The following NWD2 variants were observed in gnomAD, a reference collection of about 807,000 sequenced individuals.
NWD2 encodes NACHT and WD repeat domain containing 2.
NWD2 carries 37 observed loss-of-function variants against 132.7 expected under a neutral mutation model. The observed-to-expected ratio is 0.28, with a 90% CI of 0.21 to 0.37. The LOEUF is 0.37. Ranked by LOEUF, NWD2 falls within the 10% of genes least tolerant of loss-of-function variation. The pLI, the probability that NWD2 is intolerant of heterozygous loss-of-function variation, is 1.00. For synonymous variants in NWD2, 705 were observed against 803.0 expected (o/e 0.88, Z 2.06); for missense variants, 1,592 against 2,122.4 (o/e 0.75, Z 4.91).
At chr4:37,328,170 C>A (rs185159991) in intron 2 of NWD2, among the ~76,000 whole-genome samples, 48 of 152,192 alleles carry the variant, frequency 3.2e-4, no homozygotes, top group African/African-American at 1.0e-3. Context: ...ATACTCACTG[C>A]CTTTATCTTC....
chr4:37,256,510 C>T (rs941300727), intron 1 of NWD2, among the ~76,000 whole-genome samples: 4 of 151,980 alleles, frequency 2.6e-5, no homozygotes, highest in Non-Finnish European at 5.9e-5. Flanking sequence ...AGATCACACT[C>T]GATTGATGAT....
At chr4:37,436,108 G>GA (rs202089341) in intron 5 of NWD2, among the ~76,000 whole-genome samples, 3,794 of 152,082 alleles carry the variant, frequency 0.025, 61 homozygotes, top group Middle Eastern at 0.058. Context: ...TCAAAACTCA[G>GA]TGGCCTTGGG....
intron 3 of NWD2, among the ~76,000 whole-genome samples, chr4:37,375,800 C>A (rs2109306876): frequency 6.6e-6 from 1 of 152,248 alleles, no homozygotes; most frequent in East Asian, 1.9e-4. Context: ...ATCTCCTGAC[C>A]TTGTGATCCA....
intron 3 of NWD2, among the ~76,000 whole-genome samples, chr4:37,401,350 G>A (rs1428812187): frequency 6.6e-6 from 1 of 151,778 alleles, no homozygotes; most frequent in East Asian, 1.9e-4. Flanking sequence ...GCTCTCCAGA[G>A]ATACCACCTT....
chr4:37,304,542 T>C (rs950302534), intron 1 of NWD2, among the ~76,000 whole-genome samples: 2 of 147,926 alleles, frequency 1.4e-5, no homozygotes, highest in Non-Finnish European at 3.0e-5. Context: ...AGTTAGTCAC[T>C]TCTGGGATAC....
Position 37,443,070 on chromosome 4 carries a change from T to C in NWD2, c.1297-215T>C, listed in dbSNP as rs1712528079. 6.6e-6 allele frequency among the ~76,000 whole-genome samples: 1 copy of C among 152,112 alleles called. No homozygotes were observed. Among genetic ancestry groups the C allele is most frequent in the Admixed American group, 6.6e-5 (1 of 15,264 alleles). On this transcript the variant is annotated intron_variant, in intron 6 of 6. Coordinates refer to ENST00000309447, the MANE Select transcript of NWD2 (RefSeq NM_001144990.2). The surrounding 1 kb of genome is among the most constrained non-coding windows in gnomAD (Gnocchi z 4.1). ...ATTATTGCTACTTTAGTACACTCAG[T>C]AGGGGTAATCCTGAGGGTCTCACCT... is the stretch of plus-strand genomic sequence containing the variant.
rs1185992453 is a variant in NWD2 at position 37,244,750 on chromosome 4, C to A, written c.-318C>A. On this transcript the variant is annotated 5_prime_UTR_variant, in exon 1 of 7. Transcript: ENST00000309447. The surrounding 1 kb of genome is among the most constrained non-coding windows in gnomAD (Gnocchi z 5.5). ...GCCGGCGCTTCCCGGCGCAAACGGG[C>A]GCTGCGCGCGTAGCCGCCGCCACGC... is the stretch of plus-strand genomic sequence containing the variant. 3.5e-6 allele frequency: 1 copy of A among 286,242 alleles called. No homozygotes were observed. Among genetic ancestry groups the A allele is most frequent in the Admixed American group, 5.5e-5 (1 of 18,184 alleles). The allele number at this position is 286,242 out of a possible 1,614,324, so 17.7% of individuals were successfully genotyped here.
intron 2 of NWD2, among the ~76,000 whole-genome samples, chr4:37,345,909 C>A (rs891387108): frequency 6.6e-6 from 1 of 151,914 alleles, no homozygotes; most frequent in Non-Finnish European, 1.5e-5. Flanking sequence ...GGCAAAATCC[C>A]GTCTCTACTA....
chr4:37,448,879 A>G lies in NWD2; in HGVS notation c.*1662A>G, dbSNP rs1308935476. ...TAGGAAAAATAAATTCATGTAACCCATAGAGAATCCAGGTCAATTGTATTT... is the reference window on the plus strand; with the variant it reads ...TAGGAAAAATAAATTCATGTAACCCGTAGAGAATCCAGGTCAATTGTATTT... On this transcript the variant is annotated 3_prime_UTR_variant, in exon 7 of 7. Transcript: ENST00000309447. 1.3e-5 allele frequency: 2 copies of G among 152,356 alleles called. No homozygotes were observed. Among genetic ancestry groups the G allele is most frequent in the East Asian group, 3.9e-4 (2 of 5,188 alleles). The allele number at this position is 152,356 out of a possible 1,614,324, so 9.4% of individuals were successfully genotyped here.
At chr4:37,273,198 C>G (rs1193381660) in intron 1 of NWD2, among the ~76,000 whole-genome samples, 4 of 151,766 alleles carry the variant, frequency 2.6e-5, no homozygotes, top group Non-Finnish European at 4.4e-5. Context: ...TTTTATTGCC[C>G]TCTGCATTTT....
At chr4:37,340,568 T>C (rs1719497910) in intron 2 of NWD2, among the ~76,000 whole-genome samples, 1 of 152,126 alleles carries the variant, frequency 6.6e-6, no homozygotes, top group Admixed American at 6.5e-5. Flanking sequence ...AAATACAGGG[T>C]GCACTGGGCA....
At chr4:37,303,357 C>T (rs917523838) in intron 1 of NWD2, among the ~76,000 whole-genome samples, 6 of 152,042 alleles carry the variant, frequency 3.9e-5, no homozygotes, top group African/African-American at 1.4e-4. Context: ...ACGACAGCTT[C>T]GTGGTATATA....
intron 1 of NWD2, among the ~76,000 whole-genome samples, chr4:37,307,714 A>G (rs1413074626): frequency 6.6e-6 from 1 of 152,156 alleles, no homozygotes; most frequent in Non-Finnish European, 1.5e-5. Flanking sequence ...TGGGTTTTCT[A>G]TTCTTTTTCC....
At chr4:37,410,476 C>A (rs555314273) in intron 3 of NWD2, among the ~76,000 whole-genome samples, 1 of 152,134 alleles carries the variant, frequency 6.6e-6, no homozygotes, top group Non-Finnish European at 1.5e-5. Flanking sequence ...ATGCACCCAA[C>A]ACAGGAGCAC....
At chr4:37,334,227 T>A (rs1719353609) in intron 2 of NWD2, among the ~76,000 whole-genome samples, 1 of 152,178 alleles carries the variant, frequency 6.6e-6, no homozygotes, top group African/African-American at 2.4e-5. Flanking sequence ...TTAACCCAAA[T>A]AAGACCACCT....
intron 2 of NWD2, among the ~76,000 whole-genome samples, chr4:37,349,431 C>T (rs867583380): frequency 6.6e-6 from 1 of 152,118 alleles, no homozygotes; most frequent in Non-Finnish European, 1.5e-5. Flanking sequence ...CTCTAATGAC[C>T]AGTGATCATG....
chr4:37,343,747 T>C (rs186050628), intron 2 of NWD2, among the ~76,000 whole-genome samples: 3 of 152,332 alleles, frequency 2.0e-5, no homozygotes, highest in African/African-American at 7.2e-5. Context: ...GAAGAAATGA[T>C]AGTGTGAGGC....
At chr4:37,397,952 C>G (rs1455958668) in intron 3 of NWD2, among the ~76,000 whole-genome samples, 1 of 152,178 alleles carries the variant, frequency 6.6e-6, no homozygotes, top group African/African-American at 2.4e-5. Flanking sequence ...CAAATCAACT[C>G]TAAATTGAAA....
At chr4:37,381,374 T>G (rs1025005793) in intron 3 of NWD2, among the ~76,000 whole-genome samples, 10 of 152,282 alleles carry the variant, frequency 6.6e-5, no homozygotes, top group Middle Eastern at 6.8e-3. Context: ...GAGTGGGATA[T>G]CGAATCCCAT....
Sources: gnomAD v4.1 joint callset for allele counts (sites outside exome capture counted in the v4.1 genomes callset) on GRCh38, gnomAD v4.1.1 for gene constraint, Gnocchi (gnomAD v3.1) non-coding constraint, MANE v1.5 for transcripts, NCBI Gene and HGNC (gene_info 2026-07-23, HGNC 2026-07-21) for gene names.